The following PCDH10 variants were observed in gnomAD, a reference collection of about 807,000 sequenced individuals.
PCDH10 encodes the protein protocadherin 10, also known as protocadherin-10.
A neutral mutation model predicts 74.4 loss-of-function variants in PCDH10; 15 were observed. The ratio of observed to expected loss-of-function variants is 0.20; its 90% CI spans 0.13 to 0.31. The LOEUF (loss-of-function observed/expected upper bound fraction) is 0.31. Among genes scored for constraint, PCDH10 ranks in the 10% least tolerant of loss-of-function variants. PCDH10 has a pLI of 1.00. For missense variants in PCDH10, 1,260 were observed against 1,390.2 expected (o/e 0.91, Z 1.49); for synonymous variants, 619 against 589.8 (o/e 1.05, Z -0.72).
Position 133,193,358 on chromosome 4 carries a change from T to C in PCDH10, c.*3198T>C, listed in dbSNP as rs990203465. The C allele has an allele frequency of 6.6e-6, 1 of 151,732 alleles. No individual in the cohort carries two copies. The highest frequency in any genetic ancestry group is 2.4e-5 in the African/African-American group (1 of 41,438). 9.4% of individuals were successfully genotyped at this position (151,732 alleles called of 1,614,324 possible). On this transcript the variant is annotated 3_prime_UTR_variant, in exon 5 of 5. Transcript: ENST00000264360. ...TAAATGCACTGCCTTTATCAAACAT[T>C]GCAAATTAAGAACTATAGTAGAATA...
chr4:133,178,286 G>C (rs936260332), intron 4 of PCDH10, among the ~76,000 whole-genome samples: 6 of 151,992 alleles, frequency 3.9e-5, no homozygotes, highest in Non-Finnish European at 7.4e-5. Context: ...GCCCAGGCTA[G>C]AGTGCAATGG....
intron 1 of PCDH10, among the ~76,000 whole-genome samples, chr4:133,154,082 A>AT (rs549307033): frequency 2.6e-5 from 4 of 151,484 alleles, no homozygotes; most frequent in Non-Finnish European, 5.9e-5. Flanking sequence ...AAGTTAGCCA[A>AT]TTTTTTTTTA....
chr4:133,165,351 C>T (rs183612670), intron 4 of PCDH10, among the ~76,000 whole-genome samples: 7 of 150,520 alleles, frequency 4.7e-5, no homozygotes, highest in Admixed American at 1.3e-4. Context: ...TTAGAGTCAT[C>T]CAATTATATT....
chr4:133,201,130 A>G (rs182353542), intron 2 of PCDH10, among the ~76,000 whole-genome samples: 1 of 152,336 alleles, frequency 6.6e-6, no homozygotes, highest in East Asian at 1.9e-4. Context: ...ACATTGAACA[A>G]ACTGCTGCAT....
intron 3 of PCDH10, among the ~76,000 whole-genome samples, chr4:133,161,295 C>T (rs185939253): frequency 1.4e-4 from 22 of 152,078 alleles, no homozygotes; most frequent in Admixed American, 5.2e-4. Flanking sequence ...AAAGTCATTA[C>T]GCAGTGAGAT....
intron 4 of PCDH10, among the ~76,000 whole-genome samples, chr4:133,168,835 T>C (rs976037312): frequency 3.3e-5 from 5 of 151,836 alleles, no homozygotes; most frequent in African/African-American, 1.2e-4. Context: ...CACTCAGTTG[T>C]TGATACCTCC....
chr4:133,201,167 A>G (rs1010488818), intron 2 of PCDH10, among the ~76,000 whole-genome samples: 2 of 152,202 alleles, frequency 1.3e-5, no homozygotes, highest in African/African-American at 4.8e-5. Flanking sequence ...GACTAACCTG[A>G]TTTTACAAAA....
At chr4:133,201,333 T>G (rs1727906316) in intron 2 of PCDH10, among the ~76,000 whole-genome samples, 1 of 152,098 alleles carries the variant, frequency 6.6e-6, no homozygotes, top group African/African-American at 2.4e-5. Flanking sequence ...CGTAGGATTA[T>G]GGGGATGGAG....
At chr4:133,175,178 T>A (rs749813944) in intron 4 of PCDH10, among the ~76,000 whole-genome samples, 5 of 152,090 alleles carry the variant, frequency 3.3e-5, no homozygotes, top group Admixed American at 6.6e-5. Context: ...TTCTTTTTTC[T>A]AATCTTTTAA....
At chr4:133,206,185 T>G (rs1300776375) in intron 2 of PCDH10, among the ~76,000 whole-genome samples, 1 of 152,198 alleles carries the variant, frequency 6.6e-6, no homozygotes, top group South Asian at 2.1e-4. Context: ...TGCCTGGAGG[T>G]GTAAGCCTGG....
At position 133,192,382 on chromosome 4, in the gene PCDH10, G is replaced by T. The variant is rs562813028; in HGVS notation, c.*2222G>T. ...CTCTGCTTTAATTAAAATGTTTCAC[G>T]CATCATTTTGCAATCATGGGTGAAT... On this transcript the variant is annotated 3_prime_UTR_variant, in exon 5 of 5. Coordinates refer to ENST00000264360, the MANE Select transcript of PCDH10 (RefSeq NM_032961.3). 6.6e-6 allele frequency: 1 copy of T among 151,350 alleles called. No individual in the cohort carries two copies. The highest frequency in any genetic ancestry group is 1.5e-5 in the Non-Finnish European group (1 of 67,534). 9.4% of individuals were successfully genotyped at this position (151,350 alleles called of 1,614,324 possible). A position where few individuals can be genotyped will look rare whatever the true frequency, so the allele number is the denominator to read the frequency against.
chr4:133,178,424 C>CG, intron 4 of PCDH10, among the ~76,000 whole-genome samples: 1 of 151,732 alleles, frequency 6.6e-6, no homozygotes, highest in East Asian at 2.0e-4. Flanking sequence ...TTAGTAGAGA[C>CG]GGGGTTTCTC....
chr4:133,162,953 G>C (rs761033531), intron 3 of PCDH10, 24 bp from the exon 4 acceptor site: 3 of 1,583,990 alleles, frequency 1.9e-6, no homozygotes, highest in Non-Finnish European at 2.6e-6. Context: ...GACTACATCC[G>C]TAGTTTCTGT....
rs997382562 is a variant in PCDH10, at chr4:133,193,069, GCAGT to G, written c.*2912_*2915del. 6.7e-6 allele frequency: 1 copy of G among 149,328 alleles called. No homozygotes were observed. The highest frequency in any genetic ancestry group is 1.5e-5 in the Non-Finnish European group (1 of 67,170). The allele number at this position is 149,328 out of a possible 1,614,324, so 9.3% of individuals were successfully genotyped here. A position where few individuals can be genotyped will look rare whatever the true frequency, so the allele number is the denominator to read the frequency against. On this transcript the variant is annotated 3_prime_UTR_variant, in exon 5 of 5. Coordinates refer to ENST00000264360, the MANE Select transcript of PCDH10 (RefSeq NM_032961.3). ...CCTTGTTAACATGGTTAGTTTTAGA[GCAGT>G]CAAAGTCAAAAAAAATTTCCTGTGG...
chr4:133,183,455 A>T (rs1236650956), intron 4 of PCDH10, among the ~76,000 whole-genome samples: 1 of 152,142 alleles, frequency 6.6e-6, no homozygotes, highest in African/African-American at 2.4e-5. Flanking sequence ...TGTCATACAA[A>T]GCTATGTGAG....
chr4:133,152,363 A>C lies in PCDH10; in HGVS notation c.2223A>C (p.Gln741His). The C allele has an allele frequency of 1.2e-6, 2 of 1,614,164 alleles. No homozygotes were observed. Among genetic ancestry groups the C allele is most frequent in the Non-Finnish European group, 1.7e-6 (2 of 1,180,030 alleles). Reference sequence around the variant, plus strand: ...TGATCGTGCTGGCCGTGCGTTGCCAAAAAGAGAAGAAGCTCAACATCTATA... The same window carrying C: ...TGATCGTGCTGGCCGTGCGTTGCCACAAAGAGAAGAAGCTCAACATCTATA... ...LAMIVLAVRC[Q>H]KEKKLNIYTC... is the part of the protein sequence containing the mutation. The change falls in exon 1 of 5, where the codon CAA becomes CAC. Residue 741 changes from glutamine to histidine, a missense_variant. By Grantham distance (24) the Gln-to-His change is conservative. Transcript: ENST00000264360.
chr4:133,184,782 ATAAATATATATATTTATAT>A (rs1560714349), intron 4 of PCDH10, among the ~76,000 whole-genome samples: 3 of 138,350 alleles, frequency 2.2e-5, no homozygotes, highest in African/African-American at 8.0e-5. Context: ...AAATATATAT[ATAAATATATATATTTATAT>A]ATATATATTT....
At position 133,151,798 on chromosome 4, in the gene PCDH10, C is replaced by A. The variant is rs757845067; in HGVS notation, c.1658C>A (p.Ala553Glu). The change falls in exon 1 of 5, where the codon GCG becomes GAG. Residue 553 changes from alanine (A) to glutamate (E), a missense_variant. Physicochemically the swap from Ala to Glu is moderately radical, Grantham distance 107. Around this residue, in one of 11 missense-constraint regions of PCDH10, gnomAD observed 587 missense variants for 616.9 expected, o/e 0.95. Coordinates refer to ENST00000264360, the MANE Select transcript of PCDH10 (RefSeq NM_032961.3). Reference protein sequence around the residue: ...VEARDAGSPQALAGNATVNIL... With the variant: ...VEARDAGSPQELAGNATVNIL... Reference sequence around the variant, plus strand: ...GCCCGGGACGCTGGCAGCCCCCAGGCGCTGGCTGGTAACGCCACTGTCAAC... The same window carrying A: ...GCCCGGGACGCTGGCAGCCCCCAGGAGCTGGCTGGTAACGCCACTGTCAAC... The A allele has an allele frequency of 1.2e-5, 19 of 1,612,994 alleles. No individual in the cohort carries two copies. Among genetic ancestry groups the A allele is most frequent in the African/African-American group, 2.7e-5 (2 of 74,954 alleles).
chr4:133,172,129 CA>C (rs951411047), intron 4 of PCDH10, among the ~76,000 whole-genome samples: 1 of 151,958 alleles, frequency 6.6e-6, no homozygotes, highest in Non-Finnish European at 1.5e-5. Context: ...AACTCTTGAC[CA>C]AACATGTTTC....
Sources: allele counts gnomAD v4.1 joint callset (sites outside exome capture counted in the v4.1 genomes callset), GRCh38; gene constraint gnomAD v4.1.1; regional missense constraint gnomAD v4.1.1; transcripts MANE v1.5; gene names NCBI Gene and HGNC (gene_info 2026-07-23, HGNC 2026-07-21).